MBD5: variants seen among roughly 807,000 people sequenced by gnomAD.
MBD5 encodes methyl-CpG binding domain protein 5, also known as methyl-CpG-binding domain protein 5.
Under a neutral mutation model 117.3 loss-of-function variants are expected in MBD5, and 13 were observed. The observed-to-expected ratio is 0.11, with a 90% CI of 0.07 to 0.18. MBD5 has a LOEUF of 0.18. Among genes scored for constraint, MBD5 ranks in the 10% least tolerant of loss-of-function variants. The probability of loss-of-function intolerance (pLI) is 1.00; values close to 1 mark genes in which losing one functional copy is unlikely to be tolerated. For missense variants in MBD5, 1,879 were observed against 2,093.8 expected (o/e 0.90, Z 2.00); for synonymous variants, 727 against 766.4 (o/e 0.95, Z 0.85).
intron 3 of MBD5, among the ~76,000 whole-genome samples, chr2:148,322,542 T>G (rs948315123): frequency 2.0e-5 from 3 of 152,178 alleles, no homozygotes; most frequent in Non-Finnish European, 2.9e-5. Flanking sequence ...TTTTCCTACT[T>G]TAAAATGTAA....
intron 1 of MBD5, among the ~76,000 whole-genome samples, chr2:148,085,757 C>T (rs1415918472): frequency 2.0e-5 from 3 of 152,116 alleles, no homozygotes; most frequent in African/African-American, 7.2e-5. Context: ...GTTAGAAAGC[C>T]CCAAATTTCT....
chr2:148,421,872 G>C (rs1705619026), intron 4 of MBD5, among the ~76,000 whole-genome samples: 1 of 152,236 alleles, frequency 6.6e-6, no homozygotes, highest in South Asian at 2.1e-4. Flanking sequence ...CGGCCAGACT[G>C]CCTCTCTAGA....
At chr2:148,421,259 T>A (rs1479757199) in intron 4 of MBD5, among the ~76,000 whole-genome samples, 1 of 152,116 alleles carries the variant, frequency 6.6e-6, no homozygotes, top group Non-Finnish European at 1.5e-5. Context: ...GGACAGTGGG[T>A]GCAGCCCATG....
At chr2:148,147,068 C>T (rs569672985) in intron 1 of MBD5, among the ~76,000 whole-genome samples, 1 of 151,992 alleles carries the variant, frequency 6.6e-6, no homozygotes, top group East Asian at 1.9e-4. Context: ...GTTCTTTGAA[C>T]ATATGTATTG....
intron 2 of MBD5, among the ~76,000 whole-genome samples, chr2:148,229,958 C>T (rs776183536): frequency 1.3e-4 from 20 of 152,170 alleles, no homozygotes; most frequent in Admixed American, 5.2e-4. Flanking sequence ...ACATAACCAC[C>T]TCTGTGGCCG....
chr2:148,226,368 T>C (rs1443618570), intron 2 of MBD5, among the ~76,000 whole-genome samples: 3 of 152,136 alleles, frequency 2.0e-5, no homozygotes, highest in Non-Finnish European at 4.4e-5. Flanking sequence ...TGGTGTTTGG[T>C]TTTTTGTCCT....
At chr2:148,058,800 G>A (rs1694944709) in intron 1 of MBD5, among the ~76,000 whole-genome samples, 1 of 152,118 alleles carries the variant, frequency 6.6e-6, no homozygotes. Flanking sequence ...TAAGCAAAAA[G>A]TATGCTTGAA....
chr2:148,304,486 C>T (rs910158486), intron 3 of MBD5, among the ~76,000 whole-genome samples: 2 of 152,150 alleles, frequency 1.3e-5, no homozygotes, highest in African/African-American at 4.8e-5. Context: ...GAAATACCAA[C>T]ATCCTTAATA....
At chr2:148,473,238 A>C (rs1356158239) in intron 8 of MBD5, among the ~76,000 whole-genome samples, 1 of 152,134 alleles carries the variant, frequency 6.6e-6, no homozygotes, top group African/African-American at 2.4e-5. Context: ...GAAATACCCA[A>C]AATGTCAAGA....
At chr2:148,069,308 AT>A (rs1695290860) in intron 1 of MBD5, among the ~76,000 whole-genome samples, 1 of 152,114 alleles carries the variant, frequency 6.6e-6, no homozygotes, top group African/African-American at 2.4e-5. Flanking sequence ...TTTTCACTTG[AT>A]CCATCTTGAA....
At chr2:148,251,843 G>T (rs149489456) in intron 3 of MBD5, among the ~76,000 whole-genome samples, 1 of 152,324 alleles carries the variant, frequency 6.6e-6, no homozygotes, top group Non-Finnish European at 1.5e-5. Context: ...AGGGAAAGAA[G>T]TAATCTTTGC....
At chr2:148,083,895 G>A (rs148824757) in intron 1 of MBD5, among the ~76,000 whole-genome samples, 93 of 152,020 alleles carry the variant, frequency 6.1e-4, no homozygotes, top group African/African-American at 1.9e-3. Context: ...CAAAGTGCTG[G>A]GATTACAGGC....
chr2:148,203,845 G>A (rs1699206188), intron 2 of MBD5, among the ~76,000 whole-genome samples: 1 of 148,352 alleles, frequency 6.7e-6, no homozygotes, highest in African/African-American at 2.5e-5. Flanking sequence ...TACGATCAGA[G>A]AATAGATTGT....
chr2:148,176,876 CAA>C lies in MBD5; in HGVS notation c.-924-1809_-924-1808del, dbSNP rs145136050. ...CCTGCCACCCCCACTAACTTAAGGA[CAA>C]AAAAAAAAAAAAAATTAATTCTGAG... On this transcript the variant is annotated intron_variant, in intron 1 of 13. Transcript: ENST00000642680. Among the ~76,000 whole-genome samples, 153 of 119,222 alleles carry C rather than the reference CAA, an allele frequency of 1.3e-3. 1 individual carries two copies. Among genetic ancestry groups the C allele is most frequent in the South Asian group, 3.3e-3 (13 of 3,988 alleles). The allele number at this position is 119,222 out of a possible 152,430, so 78.2% of individuals were successfully genotyped here. A position where few individuals can be genotyped will look rare whatever the true frequency, so the allele number is the denominator to read the frequency against.
intron 3 of MBD5, among the ~76,000 whole-genome samples, chr2:148,258,515 C>T (rs1294622816): frequency 1.3e-5 from 2 of 152,158 alleles, no homozygotes; most frequent in Non-Finnish European, 2.9e-5. Context: ...TCCAATCGTC[C>T]AGTGTCCCCC....
intron 1 of MBD5, among the ~76,000 whole-genome samples, chr2:148,076,261 G>A (rs1269346856): frequency 6.6e-6 from 1 of 151,440 alleles, no homozygotes; most frequent in Non-Finnish European, 1.5e-5. Flanking sequence ...GCCCAATATT[G>A]GTTTTAAAAA....
At chr2:148,450,269 A>G (rs1186580660) in intron 4 of MBD5, among the ~76,000 whole-genome samples, 2 of 152,214 alleles carry the variant, frequency 1.3e-5, no homozygotes, top group African/African-American at 4.8e-5. Flanking sequence ...TCACAAGCTA[A>G]TAAAGGGTGG....
intron 11 of MBD5, among the ~76,000 whole-genome samples, chr2:148,497,944 A>G (rs1393753201): frequency 6.6e-6 from 1 of 152,186 alleles, no homozygotes; most frequent in East Asian, 1.9e-4. Context: ...ACCCACAAAG[A>G]TGTGCAGAAT....
intron 1 of MBD5, among the ~76,000 whole-genome samples, chr2:148,095,525 G>A (rs997209504): frequency 6.6e-6 from 1 of 152,056 alleles, no homozygotes; most frequent in African/African-American, 2.4e-5. Flanking sequence ...AATATAGGGT[G>A]TATTTTGAAG....
Sources: allele counts gnomAD v4.1 joint callset (sites outside exome capture counted in the v4.1 genomes callset), GRCh38; gene constraint gnomAD v4.1.1; transcripts MANE v1.5; gene names NCBI Gene and HGNC (gene_info 2026-07-23, HGNC 2026-07-21).